ADGRB3: variants seen among roughly 807,000 people sequenced by gnomAD.
ADGRB3 encodes brain-specific angiogenesis inhibitor 3.
A neutral mutation model predicts 193.4 loss-of-function variants in ADGRB3; 37 were observed. The observed-to-expected ratio is 0.19, with a 90% confidence interval of 0.15 to 0.25. ADGRB3 has a LOEUF of 0.25. ADGRB3 is among the 10% of genes least tolerant of loss of function. The probability of loss-of-function intolerance (pLI) is 1.00; values close to 1 mark genes in which losing one functional copy is unlikely to be tolerated. For synonymous variants in ADGRB3, 690 were observed against 644.2 expected (o/e 1.07, Z -1.08); for missense variants, 1,637 against 1,852.9 (o/e 0.88, Z 2.14).
chr6:68,899,200 A>G (rs1313490421), intron 3 of ADGRB3, among the ~76,000 whole-genome samples: 1 of 152,186 alleles, frequency 6.6e-6, no homozygotes, highest in Non-Finnish European at 1.5e-5. Context: ...AAAATTTAAA[A>G]AATTAGTTGA....
intron 13 of ADGRB3, among the ~76,000 whole-genome samples, chr6:69,030,664 G>C (rs976195468): frequency 6.6e-6 from 1 of 152,162 alleles, no homozygotes; most frequent in East Asian, 1.9e-4. Context: ...AATACCTAAT[G>C]TAGATGATGG....
intron 3 of ADGRB3, among the ~76,000 whole-genome samples, chr6:68,677,815 C>T (rs1007656208): frequency 1.3e-5 from 2 of 152,004 alleles, no homozygotes; most frequent in Non-Finnish European, 2.9e-5. Flanking sequence ...CCATTTTGGC[C>T]AGGCTGGTCT....
rs368765066 is a variant in ADGRB3 at position 69,332,560 on chromosome 6, A to G, written c.3103-363A>G. On this transcript the variant is annotated intron_variant, in intron 23 of 31. Coordinates refer to ENST00000370598, the MANE Select transcript of ADGRB3 (RefSeq NM_001704.3). ...TCTAAGATTCAGAATCTCCTGGCTCATGGGCATAGGGTAAAACTGCTTTAG... is the reference window on the plus strand; with the variant it reads ...TCTAAGATTCAGAATCTCCTGGCTCGTGGGCATAGGGTAAAACTGCTTTAG... 8.9e-5 allele frequency: 88 copies of G among 985,426 alleles called. No individual in the cohort carries two copies. The African/African-American group carries it at 1.3e-3, about 15-fold the overall frequency. 61.0% of individuals were successfully genotyped at this position (985,426 alleles called of 1,614,324 possible). A position where few individuals can be genotyped will look rare whatever the true frequency, so the allele number is the denominator to read the frequency against.
Position 68,747,481 on chromosome 6 carries a change from A to G in ADGRB3, c.757+108049A>G, listed in dbSNP as rs200162983. Among the ~76,000 whole-genome samples the G allele has an allele frequency of 1.2e-4, 18 of 152,292 alleles. No individual in the cohort carries two copies. In the East Asian group the frequency reaches 1.5e-3, roughly 13 times the overall value. On this transcript the variant is annotated intron_variant, in intron 3 of 31. Transcript: ENST00000370598. ...GATAGCATGCTTAATTATTTTTTCC[A>G]TCCATTTGAACCTATAGAATACATT... is the stretch of plus-strand genomic sequence containing the variant.
At chr6:68,950,983 C>T (rs1174479682) in intron 6 of ADGRB3, among the ~76,000 whole-genome samples, 1 of 152,158 alleles carries the variant, frequency 6.6e-6, no homozygotes, top group Admixed American at 6.6e-5. Context: ...CCTATAAGAT[C>T]TGGCTTCTGC....
chr6:68,692,076 A>G (rs1182064823), intron 3 of ADGRB3, among the ~76,000 whole-genome samples: 2 of 151,832 alleles, frequency 1.3e-5, no homozygotes, highest in Non-Finnish European at 2.9e-5. Flanking sequence ...ATCTGCAAAA[A>G]CCATTATGGA....
intron 10 of ADGRB3, among the ~76,000 whole-genome samples, chr6:68,983,763 A>G (rs1768994507): frequency 1.3e-5 from 2 of 152,102 alleles, no homozygotes; most frequent in South Asian, 4.1e-4. Flanking sequence ...ACAAATTCTT[A>G]TATGTTAAAG....
intron 3 of ADGRB3, among the ~76,000 whole-genome samples, chr6:68,922,778 C>A (rs190529339): frequency 6.6e-6 from 1 of 152,276 alleles, no homozygotes; most frequent in Non-Finnish European, 1.5e-5. Flanking sequence ...CCACGTTGAG[C>A]CTTAACCTTC....
intron 17 of ADGRB3, among the ~76,000 whole-genome samples, chr6:69,096,120 A>T (rs17403319): frequency 0.086 from 13,166 of 152,216 alleles, 781 homozygotes; most frequent in Middle Eastern, 0.2. Flanking sequence ...AAAATAATTC[A>T]GTTGAAGTGT....
At chr6:68,716,513 CA>C (rs1765492495) in intron 3 of ADGRB3, among the ~76,000 whole-genome samples, 1 of 149,854 alleles carries the variant, frequency 6.7e-6, no homozygotes, top group African/African-American at 2.5e-5. Context: ...CATCACAGCT[CA>C]TTTTTTTTTT....
chr6:69,057,795 A>G (rs1031463501), intron 15 of ADGRB3, among the ~76,000 whole-genome samples: 1 of 151,938 alleles, frequency 6.6e-6, no homozygotes, highest in Non-Finnish European at 1.5e-5. Flanking sequence ...CTTGGTCATG[A>G]TATATAAACT....
At chr6:69,177,614 G>A (rs1775462736) in intron 17 of ADGRB3, among the ~76,000 whole-genome samples, 1 of 152,144 alleles carries the variant, frequency 6.6e-6, no homozygotes, top group Non-Finnish European at 1.5e-5. Context: ...CCAAAGTGCT[G>A]GGATTACAGG....
At chr6:68,887,730 G>A (rs567439897) in intron 3 of ADGRB3, among the ~76,000 whole-genome samples, 1 of 151,890 alleles carries the variant, frequency 6.6e-6, no homozygotes, top group Admixed American at 6.6e-5. Context: ...TTTTTTATGA[G>A]GATTATATTT....
intron 3 of ADGRB3, among the ~76,000 whole-genome samples, chr6:68,784,541 T>G (rs1406811500): frequency 1.3e-5 from 2 of 152,178 alleles, no homozygotes; most frequent in Admixed American, 1.3e-4. Context: ...CTTTCTCATG[T>G]ATATACTTTT....
chr6:69,310,480 G>A (rs1768167049), intron 20 of ADGRB3, among the ~76,000 whole-genome samples: 2 of 151,612 alleles, frequency 1.3e-5, no homozygotes, highest in South Asian at 2.1e-4. Context: ...TTAGAAATGA[G>A]GTATAGTAAT....
chr6:69,113,412 AC>A (rs1773433258), intron 17 of ADGRB3, among the ~76,000 whole-genome samples: 1 of 152,072 alleles, frequency 6.6e-6, no homozygotes, highest in Admixed American at 6.6e-5. Flanking sequence ...TATATACTCC[AC>A]ACAGAAATAC....
chr6:68,733,761 T>C (rs1765819599), intron 3 of ADGRB3, among the ~76,000 whole-genome samples: 1 of 151,886 alleles, frequency 6.6e-6, no homozygotes, highest in African/African-American at 2.4e-5. Flanking sequence ...CTATAGTCAA[T>C]AAAAACATAA....
Position 68,686,660 on chromosome 6 carries a change from C to T in ADGRB3, c.757+47228C>T, listed in dbSNP as rs75227562. Among the ~76,000 whole-genome samples the T allele has an allele frequency of 8.9e-3, 1,353 of 152,290 alleles. 9 individuals carry two copies. Among genetic ancestry groups the T allele is most frequent in the Middle Eastern group, 0.044 (13 of 294 alleles). On this transcript the variant is annotated intron_variant, in intron 3 of 31. Transcript: ENST00000370598. ...GGGTAAGCTGAACCAACTGAGATATCTAAGATACTGGCTGTTGTTGGTGCT... is the reference window on the plus strand; with the variant it reads ...GGGTAAGCTGAACCAACTGAGATATTTAAGATACTGGCTGTTGTTGGTGCT...
intron 30 of ADGRB3, among the ~76,000 whole-genome samples, chr6:69,375,759 TC>T (rs1246557100): frequency 6.6e-6 from 1 of 151,840 alleles, no homozygotes; most frequent in Non-Finnish European, 1.5e-5. Flanking sequence ...TAAAGAAGTA[TC>T]CATGAAACCC....
Sources: gnomAD v4.1 joint callset for allele counts (sites outside exome capture counted in the v4.1 genomes callset) on GRCh38, gnomAD v4.1.1 for gene constraint, MANE v1.5 for transcripts, NCBI Gene and HGNC (gene_info 2026-07-23, HGNC 2026-07-21) for gene names.